OSBP2: variants seen among roughly 807,000 people sequenced by gnomAD.
OSBP2 encodes the protein oxysterol binding protein 2, also known as oxysterol-binding protein 2.
OSBP2 carries 66 observed loss-of-function variants against 96.0 expected under a neutral mutation model. The ratio of observed to expected loss-of-function variants is 0.69; its 90% CI spans 0.56 to 0.84. The LOEUF (loss-of-function observed/expected upper bound fraction) is 0.84, where lower values mean the gene tolerates loss of function less well. Among genes scored for constraint, OSBP2 ranks in the 40% least tolerant of loss-of-function variants. OSBP2 has a pLI of 0.00. For missense variants in OSBP2, 1,038 were observed against 1,222.7 expected (o/e 0.85, Z 2.25); for synonymous variants, 525 against 520.9 (o/e 1.01, Z -0.11).
At chr22:30,728,260 G>T (rs1046342597) in intron 1 of OSBP2, among the ~76,000 whole-genome samples, 5 of 151,834 alleles carry the variant, frequency 3.3e-5, no homozygotes, top group African/African-American at 1.2e-4. Flanking sequence ...GCCAGATGTG[G>T]TGGTGGGTGC....
rs117226499 is a variant in OSBP2, at chr22:30,889,958, G to A, written c.1623+322G>A. On this transcript the variant is annotated intron_variant, in intron 7 of 13. Transcript: ENST00000332585. ...TGTCCCGATCTGTAGATGGGGAGTG[G>A]CAGGATGGGGCTGTGTGTGGAGGGG... Among the ~76,000 whole-genome samples the A allele has an allele frequency of 7.5e-4, 114 of 152,258 alleles. 1 individual carries two copies. The highest frequency in any genetic ancestry group is 3.4e-3 in the Middle Eastern group (1 of 294).
At chr22:30,735,669 T>G (rs1474187478) in intron 1 of OSBP2, among the ~76,000 whole-genome samples, 1 of 152,068 alleles carries the variant, frequency 6.6e-6, no homozygotes, top group East Asian at 1.9e-4. Context: ...CTATTTATAT[T>G]AAATACTTTT....
intron 1 of OSBP2, among the ~76,000 whole-genome samples, chr22:30,697,964 C>T (rs1401037506): frequency 6.6e-6 from 1 of 152,160 alleles, no homozygotes; most frequent in Non-Finnish European, 1.5e-5. Context: ...AGTATATGTG[C>T]AGAAAAGGCC....
rs1488827053 is a variant in OSBP2 at position 30,767,793 on chromosome 22, G to A, written c.853+26424G>A. On this transcript the variant is annotated intron_variant, in intron 2 of 13. Coordinates refer to ENST00000332585, the MANE Select transcript of OSBP2 (RefSeq NM_030758.4). ...AGCTCTCAGTTGGGAGAGGATCCGG[G>A]CCCTTCTCAAGGAAGGAGGGCTGGG... is the stretch of plus-strand genomic sequence containing the variant. Among the ~76,000 whole-genome samples, 5 of 152,230 alleles carry A rather than the reference G, an allele frequency of 3.3e-5. No individual in the cohort carries two copies. In the East Asian group the frequency reaches 7.7e-4, roughly 24 times the overall value.
At position 30,870,395 on chromosome 22, in the gene OSBP2, G is replaced by T. The variant is rs750987943; in HGVS notation, c.854-34G>T. 1.2e-6 allele frequency: 2 copies of T among 1,610,070 alleles called. No homozygotes were observed. The highest frequency in any genetic ancestry group is 8.5e-7 in the Non-Finnish European group (1 of 1,178,956). On this transcript the variant is annotated intron_variant, in intron 2 of 13. Transcript: ENST00000332585. The surrounding 1 kb of genome is among the most constrained non-coding windows in gnomAD (Gnocchi z 4.1). ...AGGCCTCTTGGTACCACGTCTGTTC[G>T]TAATGACCGTAACAACTCTATTTTC...
At chr22:30,698,141 T>C (rs2089084929) in intron 1 of OSBP2, among the ~76,000 whole-genome samples, 1 of 152,146 alleles carries the variant, frequency 6.6e-6, no homozygotes, top group South Asian at 2.1e-4. Context: ...AGGGTGGGTT[T>C]TCGGATGCGC....
intron 13 of OSBP2, 57 bp from the exon 14 acceptor site, chr22:30,906,140 G>A: frequency 1.9e-6 from 3 of 1,612,102 alleles, no homozygotes; most frequent in Non-Finnish European, 2.5e-6. Context: ...CGCAGGGACG[G>A]ATTCCGGGGG....
intron 2 of OSBP2, among the ~76,000 whole-genome samples, chr22:30,763,500 TC>T (rs1227725602): frequency 6.6e-6 from 1 of 151,950 alleles, no homozygotes; most frequent in Non-Finnish European, 1.5e-5. Flanking sequence ...ACAAAAATTA[TC>T]CAGGTGTGGT....
intron 2 of OSBP2, among the ~76,000 whole-genome samples, chr22:30,864,253 A>G (rs2039283640): frequency 6.6e-6 from 1 of 152,090 alleles, no homozygotes; most frequent in Non-Finnish European, 1.5e-5. Flanking sequence ...ATTACATCAC[A>G]TTCTTTTAAA....
At chr22:30,703,950 A>G (rs185804256) in intron 1 of OSBP2, among the ~76,000 whole-genome samples, 214 of 152,294 alleles carry the variant, frequency 1.4e-3, no homozygotes, top group African/African-American at 5.0e-3. Flanking sequence ...CTTCCAGTTT[A>G]TGCTTTCAGT....
At position 30,889,566 on chromosome 22, in the gene OSBP2, A is replaced by G. The variant is rs538150921; in HGVS notation, c.1553A>G (p.Asn518Ser). The change falls in exon 7 of 14, where the codon AAC (asparagine) becomes AGC (serine). Residue 518 changes from asparagine to serine, a missense_variant. Transcript: ENST00000332585. ...KRRVRIPNKP[N>S]YSLNLWSIMK... ...CGAGTCCGCATTCCCAACAAGCCCA[A>G]CTACAGCCTTAACCTCTGGAGCATC... is the stretch of plus-strand genomic sequence containing the variant. The G allele has an allele frequency of 7.7e-5, 125 of 1,614,116 alleles. 3 individuals are homozygous for G. The South Asian group carries it at 1.3e-3, about 17-fold the overall frequency.
At chr22:30,808,545 T>G (rs1049475636) in intron 2 of OSBP2, among the ~76,000 whole-genome samples, 2 of 152,168 alleles carry the variant, frequency 1.3e-5, no homozygotes, top group African/African-American at 4.8e-5. Context: ...CCTAACCCCT[T>G]GTACCTGTGA....
In OSBP2 at chr22:30,893,219, A is replaced by G; in HGVS notation, c.1967A>G (p.Lys656Arg). 2 of 1,614,060 alleles carry G rather than the reference A, an allele frequency of 1.2e-6. No individual in the cohort carries two copies. The highest frequency in any genetic ancestry group is 1.7e-6 in the Non-Finnish European group (2 of 1,179,970). Reference protein sequence around the residue: ...EITISSKFRGKYISIMPLGAI... With the variant: ...EITISSKFRGRYISIMPLGAI... ...ACCATCTCCAGCAAGTTCCGGGGAA[A>G]ATACATCTCCATCATGCCGCTAGGT... is the stretch of plus-strand genomic sequence containing the variant. The change falls in exon 9 of 14, where the codon AAA becomes AGA. Residue 656 changes from lysine (K) to arginine (R), a missense_variant. Coordinates refer to ENST00000332585, the MANE Select transcript of OSBP2 (RefSeq NM_030758.4).
chr22:30,906,444 C>T lies in OSBP2; in HGVS notation c.*105C>T, dbSNP rs552127317. On this transcript the variant is annotated 3_prime_UTR_variant, in exon 14 of 14. Coordinates refer to ENST00000332585, the MANE Select transcript of OSBP2 (RefSeq NM_030758.4). ...GGTCTTTCTCCCAGCCCATTCCCAGCCCTTCCTATTTCCTTTCCTATTTTT... is the reference window on the plus strand; with the variant it reads ...GGTCTTTCTCCCAGCCCATTCCCAGTCCTTCCTATTTCCTTTCCTATTTTT... 985 of 1,329,194 alleles carry T rather than the reference C, an allele frequency of 7.4e-4. No individual in the cohort carries two copies. Among genetic ancestry groups the T allele is most frequent in the Non-Finnish European group, 8.7e-4 (863 of 997,012 alleles). The allele number at this position is 1,329,194 out of a possible 1,614,324, so 82.3% of individuals were successfully genotyped here.
intron 2 of OSBP2, among the ~76,000 whole-genome samples, chr22:30,784,442 A>T (rs8140257): frequency 0.21 from 31,680 of 151,602 alleles, 4,242 homozygotes; most frequent in African/African-American, 0.39. Context: ...AAATTTTTTT[A>T]AAGACGAGGT....
intron 2 of OSBP2, among the ~76,000 whole-genome samples, chr22:30,746,423 CA>C (rs140875613): frequency 0.055 from 6,529 of 118,612 alleles, 251 homozygotes; most frequent in African/African-American, 0.13. Context: ...GACCCTGTCT[CA>C]AAAAAAAAAT....
intron 2 of OSBP2, among the ~76,000 whole-genome samples, chr22:30,756,836 C>T (rs2090146954): frequency 6.6e-6 from 1 of 152,154 alleles, no homozygotes; most frequent in South Asian, 2.1e-4. Flanking sequence ...TGGGTGATGA[C>T]CTGTCAGTTC....
intron 2 of OSBP2, among the ~76,000 whole-genome samples, chr22:30,783,325 T>TC (rs1248108977): frequency 7.5e-6 from 1 of 133,888 alleles, no homozygotes; most frequent in Non-Finnish European, 1.6e-5. Context: ...TTTTTTTTTT[T>TC]TTTTTTTGGT....
chr22:30,716,024 T>TTTTC (rs199966282), intron 1 of OSBP2, among the ~76,000 whole-genome samples: 134 of 139,234 alleles, frequency 9.6e-4, no homozygotes, highest in African/African-American at 2.4e-3. Context: ...CACAAGCATC[T>TTTTC]TTTCTTTCTT....
Sources: gnomAD v4.1 joint callset for allele counts (sites outside exome capture counted in the v4.1 genomes callset) on GRCh38, gnomAD v4.1.1 for gene constraint, Gnocchi (gnomAD v3.1) non-coding constraint, MANE v1.5 for transcripts, NCBI Gene and HGNC (gene_info 2026-07-23, HGNC 2026-07-21) for gene names.